DNAH5: variants seen among roughly 807,000 people sequenced by gnomAD.
DNAH5 encodes the protein axonemal beta dynein heavy chain 5.
DNAH5 carries 372 observed loss-of-function variants against 518.2 expected under a neutral mutation model. The observed-to-expected ratio is 0.72, with a 90% CI of 0.66 to 0.78. The LOEUF is 0.78. Ranked by LOEUF, DNAH5 falls within the 30% of genes least tolerant of loss-of-function variation. The probability of loss-of-function intolerance (pLI) is 0.00; values close to 1 mark genes in which losing one functional copy is unlikely to be tolerated. For synonymous variants in DNAH5, 2,039 were observed against 2,025.9 expected (o/e 1.01, Z -0.17); for missense variants, 5,523 against 5,687.0 (o/e 0.97, Z 0.93).
At chr5:13,939,607 T>A (rs1204490531) in intron 1 of DNAH5, among the ~76,000 whole-genome samples, 2 of 152,050 alleles carry the variant, frequency 1.3e-5, no homozygotes, top group Non-Finnish European at 2.9e-5. Flanking sequence ...TTTCCCGGCC[T>A]CTCTCAGAGA....
At chr5:13,888,041 T>G (rs1333141885) in intron 17 of DNAH5, among the ~76,000 whole-genome samples, 2 of 152,182 alleles carry the variant, frequency 1.3e-5, no homozygotes, top group East Asian at 3.9e-4. Context: ...TGACCTTGAT[T>G]TCTACAGCAC....
chr5:13,976,623 TATC>T (rs2152062286), intron 1 of DNAH5, among the ~76,000 whole-genome samples: 1 of 152,060 alleles, frequency 6.6e-6, no homozygotes, highest in East Asian at 1.9e-4. Flanking sequence ...TCTCTTATTG[TATC>T]TAATCTGTAA....
At chr5:13,744,151 A>AT (rs761959157) in intron 65 of DNAH5, among the ~76,000 whole-genome samples, 8 of 152,084 alleles carry the variant, frequency 5.3e-5, no homozygotes, top group Non-Finnish European at 1.2e-4. Context: ...CTATTCAGCA[A>AT]TAAAAAAGAA....
chr5:13,776,641 T>C lies in DNAH5; in HGVS notation c.9171A>G (p.Lys3057=), dbSNP rs543154987. 17 of 1,613,924 alleles carry C rather than the reference T, an allele frequency of 1.1e-5. No homozygotes were observed. In the South Asian group the frequency reaches 1.5e-4, roughly 15 times the overall value. The change falls in exon 55 of 79, where the codon AAA becomes AAG. Residue 3057 remains lysine, a synonymous_variant. Coordinates refer to ENST00000265104, the MANE Select transcript of DNAH5 (RefSeq NM_001369.3). The part of the protein sequence containing the change: ...EINSDLASVM[K]KEFPRCLPTN... ...TAGGAAGGCACCTGGGGAATTCTTT[T>C]TTCATGACTGATGCCAGGTCGCTAT... is the stretch of plus-strand genomic sequence containing the variant.
Position 13,729,425 on chromosome 5 carries a change from CAAAGCA to C in DNAH5, c.11883+8_11883+13del. 6.2e-7 allele frequency: 1 copy of C among 1,613,740 alleles called. No homozygotes were observed. The highest frequency in any genetic ancestry group is 8.5e-7 in the Non-Finnish European group (1 of 1,179,776). On this transcript the variant is annotated splice_region_variant and intron_variant, in intron 69 of 78. Coordinates refer to ENST00000265104, the MANE Select transcript of DNAH5 (RefSeq NM_001369.3). ...AACATGACATCAGCTTAAGTTGATTCAAAGCACAGTTACCTGGTCAAGGACATCTGA... is the reference window on the plus strand; with the variant it reads ...AACATGACATCAGCTTAAGTTGATTCCAGTTACCTGGTCAAGGACATCTGA...
chr5:13,692,082 T>A lies in DNAH5; in HGVS notation c.13777A>T (p.Thr4593Ser), dbSNP rs771806858. Reference sequence around the variant, plus strand: ...ACAGCGGCAATGTAGTTCAAGTCCGTTCGAACTGGCTTCTTATAGATGGGA... The same window carrying A: ...ACAGCGGCAATGTAGTTCAAGTCCGATCGAACTGGCTTCTTATAGATGGGA... ...SCPIYKKPVR[T>S]DLNYIAAVDL... Residue 4593 changes from threonine (T) to serine (S), a missense_variant, in exon 79 of 79, where the codon ACG becomes TCG. Thr to Ser is a moderately conservative substitution (Grantham distance 58). This residue lies in a region of DNAH5 where 387 missense variants were observed against 430.0 expected (regional missense o/e 0.90). Coordinates refer to ENST00000265104, the MANE Select transcript of DNAH5 (RefSeq NM_001369.3). 25 of 1,613,900 alleles carry A rather than the reference T, an allele frequency of 1.5e-5. No individual in the cohort carries two copies. The highest frequency in any genetic ancestry group is 2.1e-5 in the Non-Finnish European group (25 of 1,179,978).
At chr5:13,956,670 T>C (rs1224213119) in intron 1 of DNAH5, among the ~76,000 whole-genome samples, 1 of 152,230 alleles carries the variant, frequency 6.6e-6, no homozygotes, top group Non-Finnish European at 1.5e-5. Flanking sequence ...CCTGCACTTC[T>C]ACGTTCCTCT....
upstream of DNAH5, among the ~76,000 whole-genome samples, chr5:13,945,123 C>T (rs1178671630): frequency 2.6e-5 from 4 of 152,224 alleles, no homozygotes; most frequent in Non-Finnish European, 4.4e-5. Flanking sequence ...ATTACTTGTG[C>T]TCACACAGTT....
At chr5:13,810,448 A>C (rs956714792) in intron 44 of DNAH5, 188 bp from the exon 45 acceptor site, 1 of 659,214 alleles carries the variant, frequency 1.5e-6, no homozygotes, top group Non-Finnish European at 2.7e-6. Context: ...GCCTTTAAAC[A>C]TAATAGGGTT....
Position 13,850,952 on chromosome 5 carries a change from C to T in DNAH5, c.4951-137G>A, listed in dbSNP as rs867140674. On this transcript the variant is annotated intron_variant, in intron 30 of 78. Coordinates refer to ENST00000265104, the MANE Select transcript of DNAH5 (RefSeq NM_001369.3). ...CAAGCAATATATGCCTAATGTCACA[C>T]ACATTTTATTGAAGTTCTTATTGGG... 3.7e-4 allele frequency: 319 copies of T among 858,786 alleles called. 2 individuals carry two copies. The highest frequency in any genetic ancestry group is 1.0e-3 in the Middle Eastern group (3 of 2,984). 53.2% of individuals were successfully genotyped at this position (858,786 alleles called of 1,614,324 possible). A position where few individuals can be genotyped will look rare whatever the true frequency, so the allele number is the denominator to read the frequency against.
chr5:13,975,657 A>G (rs184600020), intron 1 of DNAH5, among the ~76,000 whole-genome samples: 2 of 152,344 alleles, frequency 1.3e-5, no homozygotes, highest in East Asian at 3.9e-4. Flanking sequence ...TCAGCCTTAT[A>G]TAAAATTCTG....
At chr5:13,911,281 G>C (rs571538567) in intron 12 of DNAH5, 105 bp downstream of exon 12, 1 of 872,724 alleles carries the variant, frequency 1.1e-6, no homozygotes, top group Admixed American at 1.8e-5. Context: ...TCACCTCCAT[G>C]ATGAAGATAC....
chr5:13,851,314 T>G (rs1373739311), intron 30 of DNAH5, among the ~76,000 whole-genome samples: 1 of 152,076 alleles, frequency 6.6e-6, no homozygotes, highest in African/African-American at 2.4e-5. Flanking sequence ...CATATAAATT[T>G]TCTTCCTTTT....
intron 1 of DNAH5, among the ~76,000 whole-genome samples, chr5:13,992,505 C>A (rs1188459672): frequency 1.3e-5 from 2 of 152,202 alleles, no homozygotes; most frequent in African/African-American, 4.8e-5. Flanking sequence ...TTTCTTTGCA[C>A]TTCCTAATTT....
chr5:13,937,403 G>A (rs1278419005), intron 1 of DNAH5, among the ~76,000 whole-genome samples: 9 of 150,396 alleles, frequency 6.0e-5, no homozygotes, highest in African/African-American at 2.2e-4. Flanking sequence ...CTTCCAGCTG[G>A]GATTAATGTA....
chr5:13,851,178 G>A (rs949009142), intron 30 of DNAH5, among the ~76,000 whole-genome samples: 6 of 152,092 alleles, frequency 3.9e-5, no homozygotes, highest in East Asian at 1.9e-4. Flanking sequence ...TTTCTCTATT[G>A]AGCACTGGAT....
chr5:13,894,130 C>A (rs1277986889), intron 16 of DNAH5, among the ~76,000 whole-genome samples: 1 of 152,176 alleles, frequency 6.6e-6, no homozygotes, highest in Admixed American at 6.5e-5. Flanking sequence ...AACTGCTCCT[C>A]TTGGATTTCC....
At position 13,718,895 on chromosome 5, in the gene DNAH5, T is replaced by G; in HGVS notation, c.12486A>C (p.Lys4162Asn). 1 of 1,613,426 alleles carries G rather than the reference T, an allele frequency of 6.2e-7. No homozygotes were observed. Among genetic ancestry groups the G allele is most frequent in the Non-Finnish European group, 8.5e-7 (1 of 1,179,334 alleles). Residue 4162 changes from lysine (K) to asparagine (N), a missense_variant, in exon 72 of 79, where the codon AAA becomes AAC. Physicochemically the swap from Lys to Asn is moderately conservative, Grantham distance 94 (BLOSUM62 0). Coordinates refer to ENST00000265104, the MANE Select transcript of DNAH5 (RefSeq NM_001369.3). ...DPPQGLRAGLKRTYSGVSQDL... is the reference protein window; with the variant it reads ...DPPQGLRAGLNRTYSGVSQDL... Reference sequence around the variant, plus strand: ...TTCTGGACTCACCACTATATGTTCTTTTCAGTCCTGCCCGGAGTCCTTGTG... The same window carrying G: ...TTCTGGACTCACCACTATATGTTCTGTTCAGTCCTGCCCGGAGTCCTTGTG...
chr5:13,829,253 T>C lies in DNAH5; in HGVS notation c.6444+257A>G, dbSNP rs547422159. On this transcript the variant is annotated intron_variant, in intron 38 of 78. Coordinates refer to ENST00000265104, the MANE Select transcript of DNAH5 (RefSeq NM_001369.3). ...AAGTGGTATAAACAGCCAATGTTAA[T>C]ATCCATAAGTCTTTGGCTCTTAAAC... Among the ~76,000 whole-genome samples the C allele has an allele frequency of 3.3e-5, 5 of 152,378 alleles. No individual in the cohort carries two copies. The South Asian group carries it at 8.3e-4, about 25-fold the overall frequency.
Sources: gnomAD v4.1 joint callset for allele counts (sites outside exome capture counted in the v4.1 genomes callset) on GRCh38, gnomAD v4.1.1 for gene constraint, gnomAD v4.1.1 regional missense constraint, MANE v1.5 for transcripts, NCBI Gene and HGNC (gene_info 2026-07-23, HGNC 2026-07-21) for gene names.